Variants in LRRC4C observed in about 807,000 individuals in gnomAD.
LRRC4C encodes leucine-rich repeat-containing protein 4C.
Under a neutral mutation model 33.6 loss-of-function variants are expected in LRRC4C, and 5 were observed. The observed-to-expected ratio is 0.15, with a 90% confidence interval of 0.08 to 0.31. The LOEUF (loss-of-function observed/expected upper bound fraction) is 0.31. Among genes scored for constraint, LRRC4C ranks in the 10% least tolerant of loss-of-function variants. The pLI, the probability that LRRC4C is intolerant of heterozygous loss-of-function variation, is 1.00. For synonymous variants in LRRC4C, 329 were observed against 302.0 expected, an observed-to-expected ratio of 1.09 and a Z score of -0.93; for missense variants, 560 against 796.7, an observed-to-expected ratio of 0.70 and a Z score of 3.58.
chr11:40,455,017 G>T (rs1181392991), intron 3 of LRRC4C, among the ~76,000 whole-genome samples: 1 of 151,876 alleles, frequency 6.6e-6, no homozygotes, highest in Non-Finnish European at 1.5e-5. Flanking sequence ...CAAAGCCTTG[G>T]GCATACTATG....
chr11:40,739,798 C>G (rs928000918), intron 2 of LRRC4C, among the ~76,000 whole-genome samples: 3 of 152,018 alleles, frequency 2.0e-5, no homozygotes, highest in African/African-American at 7.2e-5. Context: ...TTCCTGAGGT[C>G]TCCCCAGCCA....
chr11:41,392,404 A>T (rs118025529), intron 1 of LRRC4C, among the ~76,000 whole-genome samples: 1 of 151,764 alleles, frequency 6.6e-6, no homozygotes, highest in African/African-American at 2.4e-5. Flanking sequence ...GTATATTTCA[A>T]TATATTAGCA....
At chr11:41,122,671 T>C (rs1395132121) in intron 1 of LRRC4C, among the ~76,000 whole-genome samples, 4 of 151,530 alleles carry the variant, frequency 2.6e-5, no homozygotes, top group Admixed American at 2.6e-4. Context: ...TAAGAAAAAA[T>C]TGGGCCAAAC....
chr11:40,936,341 T>A (rs1043925874), intron 1 of LRRC4C, among the ~76,000 whole-genome samples: 1 of 141,800 alleles, frequency 7.1e-6, no homozygotes, highest in Non-Finnish European at 1.5e-5. Flanking sequence ...CACTTGTTTT[T>A]TTTTTTTTTT....
At chr11:40,234,150 G>A in intron 5 of LRRC4C, among the ~76,000 whole-genome samples, 1 of 152,074 alleles carries the variant, frequency 6.6e-6, no homozygotes, top group Non-Finnish European at 1.5e-5. Flanking sequence ...AGTATTTAAG[G>A]GTCCCCAAAG....
intron 3 of LRRC4C, among the ~76,000 whole-genome samples, chr11:40,410,592 G>T (rs1186120595): frequency 6.6e-6 from 1 of 152,002 alleles, no homozygotes; most frequent in Non-Finnish European, 1.5e-5. Context: ...CTTCTCTGCT[G>T]CATGGAGGCC....
intron 2 of LRRC4C, among the ~76,000 whole-genome samples, chr11:40,772,047 T>C (rs181953467): frequency 2.5e-3 from 384 of 152,274 alleles, no homozygotes; most frequent in Middle Eastern, 0.02. Context: ...AACCCACTTC[T>C]TGTACCGATT....
intron 2 of LRRC4C, among the ~76,000 whole-genome samples, chr11:40,668,537 G>C (rs928857790): frequency 6.6e-6 from 1 of 152,154 alleles, no homozygotes; most frequent in African/African-American, 2.4e-5. Context: ...TCTAAAGCCA[G>C]AATTTTCTCT....
intron 3 of LRRC4C, among the ~76,000 whole-genome samples, chr11:40,431,287 C>T (rs544147506): frequency 7.0e-4 from 105 of 149,502 alleles, no homozygotes; most frequent in African/African-American, 2.2e-3. Flanking sequence ...ATTAGCCAGG[C>T]GTGGTGGTGC....
At chr11:41,064,411 A>T (rs1170352270) in intron 1 of LRRC4C, among the ~76,000 whole-genome samples, 1 of 152,228 alleles carries the variant, frequency 6.6e-6, no homozygotes, top group Non-Finnish European at 1.5e-5. Flanking sequence ...AATAGGAAAT[A>T]ATGACAGCAT....
chr11:40,672,817 T>C (rs545426592), intron 2 of LRRC4C, among the ~76,000 whole-genome samples: 1 of 152,298 alleles, frequency 6.6e-6, no homozygotes, highest in African/African-American at 2.4e-5. Context: ...AAATAGCCAA[T>C]TTGTAATATA....
intron 2 of LRRC4C, among the ~76,000 whole-genome samples, chr11:40,866,611 T>G (rs890195674): frequency 5.3e-5 from 8 of 152,118 alleles, no homozygotes; most frequent in Non-Finnish European, 1.2e-4. Flanking sequence ...GGGACTGTCA[T>G]GATCAAGAGC....
At chr11:40,389,368 G>A (rs1949245560) in intron 3 of LRRC4C, among the ~76,000 whole-genome samples, 2 of 152,042 alleles carry the variant, frequency 1.3e-5, no homozygotes, top group African/African-American at 4.8e-5. Context: ...TCAGGTACAC[G>A]GCGTGGGTTA....
intron 1 of LRRC4C, among the ~76,000 whole-genome samples, chr11:41,147,434 A>G (rs2135943858): frequency 6.6e-6 from 1 of 152,346 alleles, no homozygotes; most frequent in East Asian, 1.9e-4. Context: ...AACCTAAAAT[A>G]AAAGTTAAAT....
intron 2 of LRRC4C, among the ~76,000 whole-genome samples, chr11:40,876,260 G>GTTTTTTTTTT (rs34351895): frequency 3.3e-5 from 3 of 91,316 alleles, no homozygotes; most frequent in Non-Finnish European, 6.0e-5. Context: ...CTCAGTTAGG[G>GTTTTTTTTTT]TTTTTTTTTT....
intron 3 of LRRC4C, among the ~76,000 whole-genome samples, chr11:40,527,681 C>T (rs1175757631): frequency 6.6e-6 from 1 of 152,088 alleles, no homozygotes; most frequent in Non-Finnish European, 1.5e-5. Flanking sequence ...TGCCATTGAA[C>T]TATCTAAATA....
intron 3 of LRRC4C, among the ~76,000 whole-genome samples, chr11:40,374,288 C>T (rs991904742): frequency 6.6e-6 from 1 of 152,094 alleles, no homozygotes; most frequent in African/African-American, 2.4e-5. Flanking sequence ...CCCTGATCCT[C>T]CTGGGTAGAA....
intron 1 of LRRC4C, among the ~76,000 whole-genome samples, chr11:41,083,692 C>T (rs1350915): frequency 0.49 from 74,536 of 151,920 alleles, 19,379 homozygotes; most frequent in South Asian, 0.68. Context: ...TTATAAGATG[C>T]GGAATAAAAA....
At chr11:41,304,839 G>T (rs1303450233) in intron 1 of LRRC4C, among the ~76,000 whole-genome samples, 1 of 89,830 alleles carries the variant, frequency 1.1e-5, no homozygotes, top group African/African-American at 4.8e-5. Context: ...CCCCCCGCCC[G>T]GCCAGCCGCC....
Sources: allele counts gnomAD v4.1 joint callset (sites outside exome capture counted in the v4.1 genomes callset), GRCh38; gene constraint gnomAD v4.1.1; transcripts MANE v1.5; gene names NCBI Gene and HGNC (gene_info 2026-07-23, HGNC 2026-07-21).